The following AQR variants were observed in gnomAD, a reference collection of about 807,000 sequenced individuals.
The protein encoded by AQR is RNA helicase aquarius.
AQR carries 61 observed loss-of-function variants against 180.5 expected under a neutral mutation model. The ratio of observed to expected loss-of-function variants is 0.34; its 90% CI spans 0.28 to 0.42. The LOEUF (loss-of-function observed/expected upper bound fraction) is 0.42, where lower values mean the gene tolerates loss of function less well. AQR is among the 10% of genes least tolerant of loss of function. The pLI, the probability that AQR is intolerant of heterozygous loss-of-function variation, is 1.00. For missense variants in AQR, 1,281 were observed against 1,798.3 expected, an observed-to-expected ratio of 0.71 and a Z score of 5.20; for synonymous variants, 551 against 588.8, an observed-to-expected ratio of 0.94 and a Z score of 0.93.
intron 3 of AQR, among the ~76,000 whole-genome samples, chr15:34,953,333 T>G (rs1894260851): frequency 6.6e-6 from 1 of 152,244 alleles, no homozygotes; most frequent in Non-Finnish European, 1.5e-5. Context: ...GATATAGTCA[T>G]GTTTGTCCCA....
At chr15:34,943,232 A>G in intron 6 of AQR, 1 of 1,610,242 alleles carries the variant, frequency 6.2e-7, no homozygotes, top group Non-Finnish European at 8.5e-7. Context: ...ATGGTGGGCA[A>G]ACTAAGCCAA....
chr15:34,922,509 C>G (rs1217825876), intron 13 of AQR, among the ~76,000 whole-genome samples: 1 of 152,024 alleles, frequency 6.6e-6, no homozygotes, highest in Non-Finnish European at 1.5e-5. Flanking sequence ...CCAATTGCTC[C>G]ACATCCTTGC....
Position 34,857,022 on chromosome 15 carries a change from C to T in AQR, c.4228G>A (p.Ala1410Thr). 6.2e-7 allele frequency: 1 copy of T among 1,613,870 alleles called. No individual in the cohort carries two copies. Among genetic ancestry groups the T allele is most frequent in the Non-Finnish European group, 8.5e-7 (1 of 1,179,926 alleles). ...QETELETEEEAMTVQADIIPS... is the reference protein window; with the variant it reads ...QETELETEEETMTVQADIIPS... ...ATGATGTCAGCTTGAACAGTCATGG[C>T]CTCTTCTTCTGTTTCCAATTCTGTT... Residue 1410 changes from alanine to threonine, a missense_variant, in exon 35 of 35, where the codon GCC (alanine) becomes ACC (threonine). Ala to Thr is a moderately conservative substitution (Grantham distance 58, BLOSUM62 0). Around this residue, in one of 9 missense-constraint regions of AQR, gnomAD observed 182 missense variants for 185.3 expected, o/e 0.98. Transcript: ENST00000156471.
chr15:34,860,147 C>A lies in AQR; in HGVS notation c.4038G>T (p.Glu1346Asp). The A allele has an allele frequency of 6.7e-7, 1 of 1,482,864 alleles. No individual in the cohort carries two copies. The highest frequency in any genetic ancestry group is 9.1e-7 in the Non-Finnish European group (1 of 1,102,666). The allele number at this position is 1,482,864 out of a possible 1,614,324, so 91.9% of individuals were successfully genotyped here. A position where few individuals can be genotyped will look rare whatever the true frequency, so the allele number is the denominator to read the frequency against. Residue 1346 changes from glutamate (E) to aspartate (D), a missense_variant, in exon 34 of 35, where the codon GAG (glutamate) becomes GAT (aspartate). This residue lies in a region of AQR where 182 missense variants were observed against 185.3 expected (regional missense o/e 0.98). Transcript: ENST00000156471. ...TTATTTGTACTTCATGAGATGGTCTCTCTCCATTCTAGAAGAAGGAAAAAA... is the reference window on the plus strand; with the variant it reads ...TTATTTGTACTTCATGAGATGGTCTATCTCCATTCTAGAAGAAGGAAAAAA... Reference protein sequence around the residue: ...EPFPTTRKNGERPSHEVQIIK... With the variant: ...EPFPTTRKNGDRPSHEVQIIK...
At chr15:34,861,907 C>T (rs1444624599) in intron 33 of AQR, among the ~76,000 whole-genome samples, 2 of 151,802 alleles carry the variant, frequency 1.3e-5, no homozygotes, top group East Asian at 3.9e-4. Context: ...CTGTGAACAT[C>T]TAAAATAATG....
chr15:34,964,090 A>T, intron 2 of AQR, 144 bp downstream of exon 2: 1 of 634,868 alleles, frequency 1.6e-6, no homozygotes, highest in Admixed American at 3.0e-5. Context: ...AATCATTGCT[A>T]AGTTTGATAA....
At chr15:34,968,649 C>A (rs908377929) in intron 1 of AQR, among the ~76,000 whole-genome samples, 1 of 152,132 alleles carries the variant, frequency 6.6e-6, no homozygotes, top group Non-Finnish European at 1.5e-5. Flanking sequence ...TGGGCTAGAG[C>A]AGAGCAAGAG....
chr15:34,943,000 A>G (rs1894049100), intron 6 of AQR: 7 of 1,441,492 alleles, frequency 4.9e-6, no homozygotes, highest in South Asian at 4.8e-5. Context: ...AAAAAATCAC[A>G]TCTATTTATA....
chr15:34,910,847 A>T (rs1023344131), intron 16 of AQR, among the ~76,000 whole-genome samples: 2 of 152,194 alleles, frequency 1.3e-5, no homozygotes, highest in Non-Finnish European at 2.9e-5. Context: ...CAAGTACATA[A>T]AACATTAATT....
At chr15:34,927,351 GTT>G (rs1410336581) in intron 12 of AQR, among the ~76,000 whole-genome samples, 1 of 152,058 alleles carries the variant, frequency 6.6e-6, no homozygotes, top group Non-Finnish European at 1.5e-5. Context: ...AAAACATAAA[GTT>G]GGCGTTCAGC....
At chr15:34,924,401 T>A (rs1893725982) in intron 13 of AQR, among the ~76,000 whole-genome samples, 2 of 152,144 alleles carry the variant, frequency 1.3e-5, no homozygotes, top group African/African-American at 2.4e-5. Flanking sequence ...TAGCAATACA[T>A]ATGGCTAACA....
intron 32 of AQR, 69 bp from the exon 33 acceptor site, chr15:34,863,110 T>C (rs76527726): frequency 1.5e-5 from 21 of 1,378,548 alleles, no homozygotes; most frequent in East Asian, 2.4e-5. Flanking sequence ...TTTTTTTTTT[T>C]CACAGATTTC....
intron 3 of AQR, among the ~76,000 whole-genome samples, chr15:34,959,311 C>T (rs536814305): frequency 4.4e-4 from 67 of 152,136 alleles, no homozygotes; most frequent in Non-Finnish European, 8.1e-4. Context: ...TACAGCCATA[C>T]GCCACCATGT....
chr15:34,922,816 T>TA (rs60385281), intron 13 of AQR, among the ~76,000 whole-genome samples: 19,193 of 147,802 alleles, frequency 0.13, 1,417 homozygotes, highest in East Asian at 0.3. Context: ...CCTTATCCAT[T>TA]AAAAAAAAAA....
At position 34,890,304 on chromosome 15, in the gene AQR, C is replaced by T; in HGVS notation, c.2592G>A (p.Glu864=). 6.2e-7 allele frequency: 1 copy of T among 1,613,608 alleles called. No individual in the cohort carries two copies. Among genetic ancestry groups the T allele is most frequent in the South Asian group, 1.1e-5 (1 of 90,936 alleles). The change falls in exon 24 of 35, where the codon GAG becomes GAA. Residue 864 remains glutamate (E), a synonymous_variant. Transcript: ENST00000156471. ...HSNQALNQLF[E]KIMALDIDER... ...CATCAATGTCTAATGCCATGATTTT[C>T]TCAAACAACTGGTTTAGGGCCTAGA...
At chr15:34,874,586 C>T (rs751301330) in intron 29 of AQR, 91 bp downstream of exon 29, 1 of 1,483,802 alleles carries the variant, frequency 6.7e-7, no homozygotes, top group Non-Finnish European at 9.2e-7. Flanking sequence ...GCCAAGAATG[C>T]TAATAGTCTA....
rs1209898509 is a variant in AQR, at chr15:34,935,653, T to C, written c.719-1018A>G. Among the ~76,000 whole-genome samples, 4 of 152,154 alleles carry C rather than the reference T, an allele frequency of 2.6e-5. No homozygotes were observed. The South Asian group carries it at 6.2e-4, about 24-fold the overall frequency. ...TCCAAACCCTGAAATAACAGAAGTA[T>C]AGAAATTATTAGCTGGAAAAGACCT... On this transcript the variant is annotated intron_variant, in intron 9 of 34. Transcript: ENST00000156471.
In AQR at chr15:34,916,841, C is replaced by T. The variant is rs185797428; in HGVS notation, c.1342+1417G>A. On this transcript the variant is annotated intron_variant, in intron 15 of 34. Coordinates refer to ENST00000156471, the MANE Select transcript of AQR (RefSeq NM_014691.3). Reference sequence around the variant, plus strand: ...TTCAATCAGAAAAATCTATAGACTACGGGAACTCTATGATCAAACAACTCA... The same window carrying T: ...TTCAATCAGAAAAATCTATAGACTATGGGAACTCTATGATCAAACAACTCA... Among the ~76,000 whole-genome samples the T allele has an allele frequency of 4.7e-4, 63 of 134,728 alleles. 1 individual carries two copies. The highest frequency in any genetic ancestry group is 1.6e-3 in the African/African-American group (58 of 35,462). 88.4% of individuals were successfully genotyped at this position (134,728 alleles called of 152,430 possible).
In AQR at chr15:34,896,948, A is replaced by G; in HGVS notation, c.2409T>C (p.Thr803=). The change falls in exon 22 of 35, where the codon ACT becomes ACC. Residue 803 remains threonine, a synonymous_variant. Coordinates refer to ENST00000156471, the MANE Select transcript of AQR (RefSeq NM_014691.3). ...CACGGATGGCTTCTATCTGTGTATGAGTGAACTGAATCGTATTACTGCAAA... is the reference window on the plus strand; with the variant it reads ...CACGGATGGCTTCTATCTGTGTATGGGTGAACTGAATCGTATTACTGCAAA... ...NQPKRNTIQF[T]HTQIEAIRAG... is the part of the protein sequence containing the mutation. 6.2e-7 allele frequency: 1 copy of G among 1,613,124 alleles called. No individual in the cohort carries two copies. Among genetic ancestry groups the G allele is most frequent in the Admixed American group, 1.7e-5 (1 of 60,020 alleles).
Sources: gnomAD v4.1 joint callset for allele counts (sites outside exome capture counted in the v4.1 genomes callset) on GRCh38, gnomAD v4.1.1 for gene constraint, gnomAD v4.1.1 regional missense constraint, MANE v1.5 for transcripts, NCBI Gene and HGNC (gene_info 2026-07-23, HGNC 2026-07-21) for gene names.